The following DCLRE1C variants were observed in gnomAD, a reference collection of about 807,000 sequenced individuals.
DCLRE1C encodes the protein protein artemis.
In DCLRE1C, 47 loss-of-function variants were observed where a neutral mutation model predicts 61.4. That is an observed-to-expected ratio of 0.77 (90% CI 0.61 to 0.98). DCLRE1C has a LOEUF of 0.98. DCLRE1C is among the 50% of genes least tolerant of loss of function. The pLI, the probability that DCLRE1C is intolerant of heterozygous loss-of-function variation, is 0.00. For synonymous variants in DCLRE1C, 337 were observed against 287.6 expected (o/e 1.17, Z -1.74); for missense variants, 858 against 816.0 (o/e 1.05, Z -0.63).
chr10:14,919,918 ATTTTGTT>A (rs1836826022), intron 12 of DCLRE1C, 86 bp from the exon 13 acceptor site: 1 of 1,156,610 alleles, frequency 8.6e-7, no homozygotes. Flanking sequence ...AATTTTTTTG[ATTTTGTT>A]TTTTAATTTC....
intron 12 of DCLRE1C, among the ~76,000 whole-genome samples, chr10:14,921,478 T>C (rs1416479794): frequency 6.6e-6 from 1 of 152,172 alleles, no homozygotes; most frequent in Non-Finnish European, 1.5e-5. Context: ...TCTCTAACTT[T>C]CCCTTCACTG....
At chr10:14,944,532 T>G (rs924077719) in intron 3 of DCLRE1C, among the ~76,000 whole-genome samples, 1 of 151,808 alleles carries the variant, frequency 6.6e-6, no homozygotes, top group African/African-American at 2.4e-5. Flanking sequence ...AAAATGCATC[T>G]TAGCAAGAGG....
At chr10:14,935,177 G>GCCC (rs1839698478) in intron 6 of DCLRE1C, among the ~76,000 whole-genome samples, 1 of 151,368 alleles carries the variant, frequency 6.6e-6, no homozygotes, top group African/African-American at 2.4e-5. Context: ...CAGAAGAACT[G>GCCC]TACAAGAGGC....
intron 13 of DCLRE1C, among the ~76,000 whole-genome samples, chr10:14,913,099 A>C (rs1419185355): frequency 2.0e-5 from 3 of 152,140 alleles, no homozygotes; most frequent in Non-Finnish European, 4.4e-5. Flanking sequence ...CTCATGATCC[A>C]CCTGCCTTGG....
chr10:14,924,793 G>A (rs992289513), intron 11 of DCLRE1C, among the ~76,000 whole-genome samples: 4 of 151,932 alleles, frequency 2.6e-5, no homozygotes, highest in Non-Finnish European at 4.4e-5. Context: ...GTTGCAGTGA[G>A]CCGAGATCAC....
At chr10:14,948,501 T>G (rs539736521) in intron 2 of DCLRE1C, among the ~76,000 whole-genome samples, 1 of 152,266 alleles carries the variant, frequency 6.6e-6, no homozygotes, top group Non-Finnish European at 1.5e-5. Flanking sequence ...AGAAATAACA[T>G]GGAGTGAGTT....
At chr10:14,925,300 A>T (rs1427478482) in intron 11 of DCLRE1C, among the ~76,000 whole-genome samples, 1 of 151,952 alleles carries the variant, frequency 6.6e-6, no homozygotes, top group African/African-American at 2.4e-5. Flanking sequence ...TCAGAGATGA[A>T]ATGGCCCCAA....
At chr10:14,922,545 C>T (rs2094801950) in intron 12 of DCLRE1C, among the ~76,000 whole-genome samples, 1 of 152,184 alleles carries the variant, frequency 6.6e-6, no homozygotes, top group African/African-American at 2.4e-5. Flanking sequence ...GATTGCACCT[C>T]TCCTTTGGCT....
At chr10:14,920,072 A>G (rs1258396098) in intron 12 of DCLRE1C, among the ~76,000 whole-genome samples, 1 of 152,236 alleles carries the variant, frequency 6.6e-6, no homozygotes, top group Non-Finnish European at 1.5e-5. Context: ...ATAAGCAATT[A>G]AATGCAACCC....
downstream of DCLRE1C, chr10:14,901,110 T>C (rs755762852): frequency 3.2e-5 from 52 of 1,612,376 alleles, no homozygotes; most frequent in Middle Eastern, 1.7e-4. Flanking sequence ...TGTACTTAAA[T>C]GGGTTCTAAT....
intron 9 of DCLRE1C, among the ~76,000 whole-genome samples, chr10:14,932,365 T>C (rs1396557945): frequency 6.6e-6 from 1 of 152,016 alleles, no homozygotes; most frequent in African/African-American, 2.4e-5. Flanking sequence ...TGGTTGGGGG[T>C]GGTGGCTCAC....
At chr10:14,915,591 AAAT>A (rs1358094465) in intron 13 of DCLRE1C, among the ~76,000 whole-genome samples, 1 of 151,978 alleles carries the variant, frequency 6.6e-6, no homozygotes, top group Non-Finnish European at 1.5e-5. Flanking sequence ...ATAAAAAAAA[AAAT>A]AACCTGAATA....
intron 11 of DCLRE1C, 74 bp downstream of exon 11, chr10:14,926,767 CAG>C (rs1253131263): frequency 5.1e-6 from 6 of 1,169,828 alleles, no homozygotes; most frequent in East Asian, 4.7e-5. Context: ...TTCTGAGAGT[CAG>C]GGGACTACCT....
At chr10:14,902,600 CA>C, downstream of DCLRE1C, 2 of 784,450 alleles carry the variant, frequency 2.5e-6, no homozygotes, top group South Asian at 4.7e-5. Context: ...CTCTTATTAT[CA>C]AGGTTCTACC....
exon 14 of DCLRE1C, chr10:14,897,390 A>G (rs745944256): frequency 1.2e-6 from 2 of 1,613,424 alleles, no homozygotes; most frequent in South Asian, 2.2e-5. Context: ...GATTGTCCCA[A>G]TAGGATTGTA....
intron 13 of DCLRE1C, among the ~76,000 whole-genome samples, chr10:14,910,048 G>GTGTATGGCAACTTCT (rs1834993543): frequency 6.6e-6 from 1 of 152,192 alleles, no homozygotes; most frequent in African/African-American, 2.4e-5. Context: ...CAAGACTACT[G>GTGTATGGCAACTTCT]TGTATGGCAA....
intron 11 of DCLRE1C, 63 bp downstream of exon 11, chr10:14,926,780 G>T: frequency 1.5e-6 from 2 of 1,335,880 alleles, no homozygotes; most frequent in Non-Finnish European, 2.2e-6. Flanking sequence ...GGGACTACCT[G>T]TCAACTACCA....
Position 14,945,394 on chromosome 10 carries a change from T to C in DCLRE1C, c.162-205A>G. 3 of 1,296,288 alleles carry C rather than the reference T, an allele frequency of 2.3e-6. No individual in the cohort carries two copies. The South Asian group carries it at 4.8e-5, about 21-fold the overall frequency. 80.3% of individuals were successfully genotyped at this position (1,296,288 alleles called of 1,614,324 possible). The stretch of plus-strand genomic sequence containing the variant: ...CATCATACATCTAATAATTCAGAAA[T>C]TACGCTGGCACAAAATCTGTTAGAG... On this transcript the variant is annotated intron_variant, in intron 2 of 13. Transcript: ENST00000378278.
chr10:14,898,963 G>C (rs892134626), exon 14 of DCLRE1C: 16 of 462,670 alleles, frequency 3.5e-5, no homozygotes, highest in Non-Finnish European at 5.0e-5. Context: ...AGCTATAGTT[G>C]TATAGCTTTT....
Sources: allele counts gnomAD v4.1 joint callset (sites outside exome capture counted in the v4.1 genomes callset), GRCh38; gene constraint gnomAD v4.1.1; transcripts MANE v1.5; gene names NCBI Gene and HGNC (gene_info 2026-07-23, HGNC 2026-07-21).